The following C9 variants were observed in gnomAD, a reference collection of about 807,000 sequenced individuals.
C9 encodes complement C9.
C9 carries 63 observed loss-of-function variants against 65.4 expected under a neutral mutation model. The observed-to-expected ratio is 0.96, with a 90% CI of 0.79 to 1.19. C9 has a LOEUF of 1.19. C9 is among the 50% of genes most tolerant of loss of function. C9 has a pLI of 0.00. For synonymous variants in C9, 229 were observed against 227.9 expected (o/e 1.00, Z -0.04); for missense variants, 744 against 670.1 (o/e 1.11, Z -1.22).
chr5:39,328,957 C>A (rs186250269), intron 5 of C9, among the ~76,000 whole-genome samples: 1 of 152,016 alleles, frequency 6.6e-6, no homozygotes, highest in Non-Finnish European at 1.5e-5. Flanking sequence ...AGGATTGGGG[C>A]GAAAACTATG....
intron 5 of C9, among the ~76,000 whole-genome samples, chr5:39,322,556 T>C (rs572266257): frequency 3.2e-4 from 49 of 152,132 alleles, no homozygotes; most frequent in Admixed American, 1.2e-3. Flanking sequence ...CAAGAGTTTG[T>C]TTTTTAAAAA....
At position 39,308,276 on chromosome 5, in the gene C9, A is replaced by T. The variant is rs1753416287; in HGVS notation, c.1194T>A (p.Ala398=). Residue 398 remains alanine (A), a synonymous_variant, in exon 8 of 11, where the codon GCT becomes GCA. Transcript: ENST00000263408. ...TTACACAATCATCTTTATTAAATTC[A>T]GCTCCAACAGAGATTTCAGAGAAAG... ...SLAFSEISVG[A]EFNKDDCVKR... is the part of the protein sequence containing the mutation. The T allele has an allele frequency of 6.2e-7, 1 of 1,612,196 alleles. No homozygotes were observed. The highest frequency in any genetic ancestry group is 1.7e-5 in the Admixed American group (1 of 59,970).
chr5:39,361,897 A>G (rs1205642547), intron 1 of C9, among the ~76,000 whole-genome samples: 3 of 152,230 alleles, frequency 2.0e-5, no homozygotes, highest in African/African-American at 7.2e-5. Context: ...TCTTCAAGCC[A>G]TGGGAGAGCC....
At chr5:39,341,904 C>T (rs1371757300) in intron 2 of C9, among the ~76,000 whole-genome samples, 187 bp downstream of exon 2, 1 of 152,204 alleles carries the variant, frequency 6.6e-6, no homozygotes, top group Non-Finnish European at 1.5e-5. Flanking sequence ...TCTGGACACT[C>T]ATTTAGTATT....
chr5:39,299,020 G>A (rs1182599665), intron 9 of C9, among the ~76,000 whole-genome samples: 2 of 151,824 alleles, frequency 1.3e-5, no homozygotes, highest in Non-Finnish European at 2.9e-5. Context: ...GAGCAAACTA[G>A]GAATTAAAGG....
intron 1 of C9, among the ~76,000 whole-genome samples, chr5:39,345,907 C>T (rs1334865473): frequency 1.3e-5 from 2 of 152,172 alleles, no homozygotes; most frequent in Non-Finnish European, 1.5e-5. Context: ...GAACAACCTG[C>T]TTCTGAATGA....
At chr5:39,326,047 G>GT (rs200160148) in intron 5 of C9, among the ~76,000 whole-genome samples, 3,385 of 151,794 alleles carry the variant, frequency 0.022, 65 homozygotes, top group Admixed American at 0.059. Context: ...TTTGTGTGGG[G>GT]TTTTTTTTCT....
chr5:39,306,528 C>G (rs1050668590), intron 9 of C9, 89 bp downstream of exon 9: 2 of 1,051,404 alleles, frequency 1.9e-6, no homozygotes, highest in African/African-American at 3.1e-5. Flanking sequence ...ACGTCTCTTT[C>G]AGATGAAGCT....
chr5:39,343,821 T>C (rs551799827), intron 1 of C9, among the ~76,000 whole-genome samples: 4 of 152,060 alleles, frequency 2.6e-5, no homozygotes, highest in Non-Finnish European at 5.9e-5. Flanking sequence ...CCCTCTGATA[T>C]GAAGCTTCCA....
At position 39,315,972 on chromosome 5, in the gene C9, T is replaced by A. The variant is rs1345461547; in HGVS notation, c.673A>T (p.Lys225Ter). 1 of 1,611,350 alleles carries A rather than the reference T, an allele frequency of 6.2e-7. No homozygotes were observed. The highest frequency in any genetic ancestry group is 8.5e-7 in the Non-Finnish European group (1 of 1,177,816). Residue 225 changes from lysine to a stop codon, truncating the protein, a stop_gained, in exon 6 of 11, where the codon AAA (lysine) becomes TAA (stop). Coordinates refer to ENST00000263408, the MANE Select transcript of C9 (RefSeq NM_001737.5). LOFTEE classifies it high-confidence loss of function. ...GATGTCTTCTCTTGGATGATACTTT[T>A]AAATGCTTCAATTTGTTCTTCGTAA... The part of the protein sequence containing the change: ...EHYEEQIEAF[K>*]SIIQEKTSNF...
rs1382253641 is a variant in C9 at position 39,306,704 on chromosome 5, C to A, written c.1329G>T (p.Lys443Asn). 2 of 1,613,152 alleles carry A rather than the reference C, an allele frequency of 1.2e-6. No individual in the cohort carries two copies. The highest frequency in any genetic ancestry group is 1.7e-5 in the Admixed American group (1 of 59,960). Residue 443 changes from lysine to asparagine, a missense_variant, in exon 9 of 11, where the codon AAG becomes AAT. Lys to Asn is a moderately conservative substitution (Grantham distance 94, BLOSUM62 0). Coordinates refer to ENST00000263408, the MANE Select transcript of C9 (RefSeq NM_001737.5). ...CATCAATCACGGTTCCTCGGAGAAG[C>A]TTTTCTTTCAGTTCAAATGCATATT... is the stretch of plus-strand genomic sequence containing the variant. ...TRKYAFELKE[K>N]LLRGTVIDVT...
intron 5 of C9, among the ~76,000 whole-genome samples, chr5:39,318,922 T>A (rs76716080): frequency 1.3e-5 from 2 of 152,148 alleles, no homozygotes; most frequent in African/African-American, 4.8e-5. Context: ...CTAAACTAGA[T>A]TTATTTCTAG....
At chr5:39,327,104 G>A (rs1268397473) in intron 5 of C9, among the ~76,000 whole-genome samples, 1 of 152,130 alleles carries the variant, frequency 6.6e-6, no homozygotes, top group African/African-American at 2.4e-5. Context: ...TTATTTGTAG[G>A]AGAAGCATTT....
Position 39,311,124 on chromosome 5 carries a change from T to C in C9, c.1111+13A>G, listed in dbSNP as rs200262518. The C allele has an allele frequency of 2.7e-5, 44 of 1,612,980 alleles. No homozygotes were observed. The highest frequency in any genetic ancestry group is 3.6e-5 in the Non-Finnish European group (43 of 1,179,164). ...AACAGTATTTGAAGTCAGAGCTCTA[T>C]TTCTAGGCATACCTTTCCGCTTCAT... On this transcript the variant is annotated intron_variant, in intron 7 of 10. Transcript: ENST00000263408.
intron 4 of C9, among the ~76,000 whole-genome samples, chr5:39,336,955 G>C (rs1256513167): frequency 6.6e-6 from 1 of 151,796 alleles, no homozygotes; most frequent in African/African-American, 2.4e-5. Flanking sequence ...GAGTCCAGTT[G>C]AGTGCTAACA....
At chr5:39,359,660 G>T (rs1471568801) in intron 1 of C9, among the ~76,000 whole-genome samples, 1 of 152,186 alleles carries the variant, frequency 6.6e-6, no homozygotes, top group African/African-American at 2.4e-5. Context: ...TTGGAGCAAA[G>T]TGCTCGATTA....
Position 39,288,909 on chromosome 5 carries a change from C to T in C9, c.1459G>A (p.Ala487Thr), listed in dbSNP as rs1255443047. ...YNLVPVKMKN[A>T]HLKKQNLERA... Reference sequence around the variant, plus strand: ...TCCAAGTTTTGTTTCTTTAGGTGTGCATTTTTCATTTTCACTGGAACCAGA... The same window carrying T: ...TCCAAGTTTTGTTTCTTTAGGTGTGTATTTTTCATTTTCACTGGAACCAGA... Residue 487 changes from alanine (A) to threonine (T), a missense_variant, in exon 10 of 11, where the codon GCA (alanine) becomes ACA (threonine). Transcript: ENST00000263408. 8 of 1,610,520 alleles carry T rather than the reference C, an allele frequency of 5.0e-6. No homozygotes were observed. The highest frequency in any genetic ancestry group is 6.8e-6 in the Non-Finnish European group (8 of 1,177,360).
rs1472881555 is a variant in C9, at chr5:39,315,855, A to G, written c.790T>C (p.Leu264=). The G allele has an allele frequency of 6.2e-7, 1 of 1,612,652 alleles. No homozygotes were observed. Among genetic ancestry groups the G allele is most frequent in the Non-Finnish European group, 8.5e-7 (1 of 1,178,790 alleles). ...CCEETASSIS[L]HGKGSFRFSY... ...AACCGAAAACTACCCTTGCCATGTAAAGAAATTGAGGAGGCTGTTTCCTCA... is the reference window on the plus strand; with the variant it reads ...AACCGAAAACTACCCTTGCCATGTAGAGAAATTGAGGAGGCTGTTTCCTCA... The change falls in exon 6 of 11, where the codon TTA becomes CTA. Residue 264 remains leucine (L), a synonymous_variant. Transcript: ENST00000263408.
rs556588452 is a variant in C9, at chr5:39,285,009, C to T, written c.*190G>A. The T allele has an allele frequency of 4.4e-4, 246 of 562,380 alleles. No individual in the cohort carries two copies. Among genetic ancestry groups the T allele is most frequent in the Non-Finnish European group, 6.8e-4 (210 of 310,594 alleles). The allele number at this position is 562,380 out of a possible 1,614,324, so 34.8% of individuals were successfully genotyped here. A position where few individuals can be genotyped will look rare whatever the true frequency, so the allele number is the denominator to read the frequency against. On this transcript the variant is annotated 3_prime_UTR_variant, in exon 11 of 11. Transcript: ENST00000263408. ...CTCATTAGGGAACAAAAAATGGAAA[C>T]ATCACAGGAGTTTAAGGAAGAAAAA...
Sources: allele counts gnomAD v4.1 joint callset (sites outside exome capture counted in the v4.1 genomes callset), GRCh38; gene constraint gnomAD v4.1.1; transcripts MANE v1.5; gene names NCBI Gene and HGNC (gene_info 2026-07-23, HGNC 2026-07-21).